ARHGAP26: variants seen among roughly 807,000 people sequenced by gnomAD.
ARHGAP26 encodes rho GTPase-activating protein 26.
Under a neutral mutation model 104.8 loss-of-function variants are expected in ARHGAP26, and 38 were observed. The ratio of observed to expected loss-of-function variants is 0.36; its 90% CI spans 0.28 to 0.48. The LOEUF is 0.48. Ranked by LOEUF, ARHGAP26 falls within the 20% of genes least tolerant of loss-of-function variation. The pLI, the probability that ARHGAP26 is intolerant of heterozygous loss-of-function variation, is 0.99. For synonymous variants in ARHGAP26, 341 were observed against 340.0 expected (o/e 1.00, Z -0.03); for missense variants, 704 against 947.9 (o/e 0.74, Z 3.38).
chr5:143,207,417 TCCAAACCTGCACTTG>T, intron 21 of ARHGAP26, 109 bp downstream of exon 21: 3 of 1,614,122 alleles, frequency 1.9e-6, no homozygotes, highest in Non-Finnish European at 2.5e-6. Context: ...TTCCCTGCCA[TCCAAACCTGCACTTG>T]CTTTTTGACA....
chr5:142,947,058 C>A (rs1598347261), intron 11 of ARHGAP26: 1 of 118,948 alleles, frequency 8.4e-6, no homozygotes, highest in South Asian at 2.7e-4. Context: ...CCCAGAAAAG[C>A]AAGGTTCCCC....
chr5:142,904,030 G>C (rs27899), intron 8 of ARHGAP26, among the ~76,000 whole-genome samples: 61,032 of 151,836 alleles, frequency 0.4, 14,785 homozygotes, highest in East Asian at 0.86. Context: ...TTATCTATCA[G>C]CAGTGTATCC....
At chr5:143,199,714 G>C (rs1807414206) in intron 20 of ARHGAP26, among the ~76,000 whole-genome samples, 1 of 152,156 alleles carries the variant, frequency 6.6e-6, no homozygotes, top group Non-Finnish European at 1.5e-5. Flanking sequence ...CATATCACTG[G>C]GGACCTGGAC....
At chr5:143,057,574 A>T in intron 16 of ARHGAP26, 68 bp from the exon 17 acceptor site, 1 of 1,342,048 alleles carries the variant, frequency 7.5e-7, no homozygotes, top group Non-Finnish European at 1.1e-6. Flanking sequence ...GGTTTCCCTT[A>T]ATTTTTCAAC....
chr5:142,996,699 A>G (rs925151748), intron 11 of ARHGAP26, among the ~76,000 whole-genome samples: 4 of 151,998 alleles, frequency 2.6e-5, no homozygotes, highest in African/African-American at 9.7e-5. Context: ...GTTAGGGGAA[A>G]TTCCTAGATG....
intron 20 of ARHGAP26, among the ~76,000 whole-genome samples, chr5:143,162,562 A>C (rs1033077150): frequency 2.0e-5 from 3 of 152,202 alleles, no homozygotes; most frequent in African/African-American, 7.2e-5. Context: ...CAGACTCTGC[A>C]TTATCCCAAG....
intron 17 of ARHGAP26, among the ~76,000 whole-genome samples, chr5:143,097,570 C>A (rs561822680): frequency 3.7e-4 from 56 of 151,994 alleles, no homozygotes; most frequent in African/African-American, 1.3e-3. Context: ...CCTGTAATCC[C>A]AGCACTTTGG....
intron 17 of ARHGAP26, among the ~76,000 whole-genome samples, chr5:143,062,727 TG>T (rs1334746874): frequency 6.6e-6 from 1 of 152,208 alleles, no homozygotes; most frequent in African/African-American, 2.4e-5. Flanking sequence ...TAGCATTCCT[TG>T]AAGTTCTTAA....
chr5:143,016,061 C>T (rs1779541480), intron 12 of ARHGAP26, among the ~76,000 whole-genome samples: 1 of 152,082 alleles, frequency 6.6e-6, no homozygotes, highest in Non-Finnish European at 1.5e-5. Context: ...AATCTAAATA[C>T]CAAATAGGGA....
intron 12 of ARHGAP26, among the ~76,000 whole-genome samples, chr5:143,017,730 T>A (rs1454557546): frequency 6.6e-6 from 1 of 152,230 alleles, no homozygotes; most frequent in African/African-American, 2.4e-5. Context: ...ACTGCATAAT[T>A]TGTGGTACAC....
chr5:142,901,497 G>A (rs1363660307), intron 6 of ARHGAP26, among the ~76,000 whole-genome samples: 3 of 152,180 alleles, frequency 2.0e-5, no homozygotes, highest in Non-Finnish European at 4.4e-5. Flanking sequence ...CCTCTTCTGT[G>A]TAATAACCTG....
chr5:142,773,248 C>T (rs1755617676), intron 1 of ARHGAP26, among the ~76,000 whole-genome samples: 1 of 152,132 alleles, frequency 6.6e-6, no homozygotes, highest in Admixed American at 6.6e-5. Context: ...TTTCCCAGTA[C>T]AACTTAAACA....
intron 11 of ARHGAP26, among the ~76,000 whole-genome samples, chr5:142,982,201 A>C (rs1472805305): frequency 2.0e-5 from 3 of 152,180 alleles, no homozygotes; most frequent in African/African-American, 7.2e-5. Flanking sequence ...AAGGTGGAAA[A>C]CCCAGCAAGT....
At chr5:143,134,640 C>G (rs1797720820) in intron 19 of ARHGAP26, among the ~76,000 whole-genome samples, 1 of 152,186 alleles carries the variant, frequency 6.6e-6, no homozygotes, top group South Asian at 2.1e-4. Context: ...GGAACAATAC[C>G]TTACTTGTTC....
At chr5:143,161,075 G>A (rs564603094) in intron 20 of ARHGAP26, among the ~76,000 whole-genome samples, 9 of 146,020 alleles carry the variant, frequency 6.2e-5, no homozygotes, top group South Asian at 2.2e-4. Flanking sequence ...GCAGTGGAGC[G>A]ATCTCAATTC....
intron 1 of ARHGAP26, among the ~76,000 whole-genome samples, chr5:142,823,362 T>TCCTCCCTTCATTCAGTGTGCC (rs1262794906): frequency 3.3e-5 from 5 of 151,714 alleles, no homozygotes; most frequent in Admixed American, 6.6e-5. Context: ...TGCCTGGTGC[T>TCCTCCCTTCATTCAGTGTGCC]CCTCCCTTCA....
chr5:142,965,028 A>T (rs1430231835), intron 11 of ARHGAP26, among the ~76,000 whole-genome samples: 2 of 152,204 alleles, frequency 1.3e-5, no homozygotes, highest in African/African-American at 4.8e-5. Flanking sequence ...TCACATGTCC[A>T]CTGGACAAGG....
At chr5:143,051,400 A>C (rs1318519512) in intron 14 of ARHGAP26, among the ~76,000 whole-genome samples, 1 of 152,202 alleles carries the variant, frequency 6.6e-6, no homozygotes, top group African/African-American at 2.4e-5. Flanking sequence ...CCTTTTGTAC[A>C]TTGGATTGCT....
chr5:143,096,565 C>T (rs920967837), intron 17 of ARHGAP26, among the ~76,000 whole-genome samples: 1 of 152,198 alleles, frequency 6.6e-6, no homozygotes, highest in African/African-American at 2.4e-5. Context: ...AAGTCAACTT[C>T]AGTATGCAGC....
Sources: allele counts gnomAD v4.1 joint callset (sites outside exome capture counted in the v4.1 genomes callset), GRCh38; gene constraint gnomAD v4.1.1; transcripts MANE v1.5; gene names NCBI Gene and HGNC (gene_info 2026-07-23, HGNC 2026-07-21).